NECTIN1: variants seen among roughly 807,000 people sequenced by gnomAD.
NECTIN1 encodes nectin cell adhesion molecule 1.
A neutral mutation model predicts 48.0 loss-of-function variants in NECTIN1; 23 were observed. The ratio of observed to expected loss-of-function variants is 0.48; its 90% CI spans 0.34 to 0.68. NECTIN1 has a LOEUF of 0.68. Ranked by LOEUF, NECTIN1 falls within the 30% of genes least tolerant of loss-of-function variation. The pLI, the probability that NECTIN1 is intolerant of heterozygous loss-of-function variation, is 0.01. For synonymous variants in NECTIN1, 270 were observed against 288.9 expected, an observed-to-expected ratio of 0.93 and a Z score of 0.66; for missense variants, 591 against 709.9, an observed-to-expected ratio of 0.83 and a Z score of 1.90.
At chr11:119,649,364 A>T (rs1223670550) in intron 5 of NECTIN1, among the ~76,000 whole-genome samples, 3 of 146,896 alleles carry the variant, frequency 2.0e-5, no homozygotes, top group African/African-American at 5.1e-5. Context: ...CTGACAACAG[A>T]GTGAGACTCC....
rs1864697188 is a variant in NECTIN1, at chr11:119,663,136, C to A, written c.*1611G>T. The A allele has an allele frequency of 1.0e-6, 1 of 985,436 alleles. No individual in the cohort carries two copies. Among genetic ancestry groups the A allele is most frequent in the South Asian group, 4.7e-5 (1 of 21,296 alleles). The allele number at this position is 985,436 out of a possible 1,614,324, so 61.0% of individuals were successfully genotyped here. A position where few individuals can be genotyped will look rare whatever the true frequency, so the allele number is the denominator to read the frequency against. ...CCCCAACACTTGCCATCCTGCAGAG[C>A]CCCTGACACCCTGGGGTGAGTTAAC... On this transcript the variant is annotated 3_prime_UTR_variant, in exon 6 of 6. Coordinates refer to ENST00000264025, the MANE Select transcript of NECTIN1 (RefSeq NM_002855.5).
In NECTIN1 at chr11:119,663,756, G is replaced by C. The variant is rs1442608042; in HGVS notation, c.*991C>G. 1.0e-6 allele frequency: 1 copy of C among 985,352 alleles called. No homozygotes were observed. The allele number at this position is 985,352 out of a possible 1,614,324, so 61.0% of individuals were successfully genotyped here. On this transcript the variant is annotated 3_prime_UTR_variant, in exon 6 of 6. Coordinates refer to ENST00000264025, the MANE Select transcript of NECTIN1 (RefSeq NM_002855.5). Reference sequence around the variant, plus strand: ...CTCCACGCTGTAAGAAGCAGTTTGGGGCAGGCCTGAGATCCTAGGGTGGAG... The same window carrying C: ...CTCCACGCTGTAAGAAGCAGTTTGGCGCAGGCCTGAGATCCTAGGGTGGAG...
In NECTIN1 at chr11:119,662,183, AT is replaced by A; in HGVS notation, c.*2563del. ...CAGAAGCTCAGCTCATGCTGTGGGCATGAAGGAGAAGCAAAATGTCCTCATC... is the reference window on the plus strand; with the variant it reads ...CAGAAGCTCAGCTCATGCTGTGGGCAGAAGGAGAAGCAAAATGTCCTCATC... On this transcript the variant is annotated 3_prime_UTR_variant, in exon 6 of 6. Transcript: ENST00000264025. The surrounding 1 kb of genome is among the most constrained non-coding windows in gnomAD (Gnocchi z 5.3). 2.0e-6 allele frequency: 2 copies of A among 985,458 alleles called. No homozygotes were observed. The highest frequency in any genetic ancestry group is 2.4e-6 in the Non-Finnish European group (2 of 829,938). The allele number at this position is 985,458 out of a possible 1,614,324, so 61.0% of individuals were successfully genotyped here.
intron 5 of NECTIN1, chr11:119,674,363 A>C (rs572667858): frequency 6.9e-7 from 1 of 1,445,426 alleles, no homozygotes; most frequent in Non-Finnish European, 9.1e-7. Context: ...TTCCATTAAT[A>C]ATAATGATGA....
At chr11:119,680,441 C>CTAAA in intron 1 of NECTIN1, among the ~76,000 whole-genome samples, 1 of 152,292 alleles carries the variant, frequency 6.6e-6, no homozygotes, top group Middle Eastern at 3.4e-3. Context: ...CCAAGGGAGT[C>CTAAA]TGGGATCCAA....
At chr11:119,720,335 T>G (rs982410724) in intron 1 of NECTIN1, among the ~76,000 whole-genome samples, 1 of 152,254 alleles carries the variant, frequency 6.6e-6, no homozygotes, top group African/African-American at 2.4e-5. Flanking sequence ...GCCCGGGGCA[T>G]GTACCCCAGA....
chr11:119,660,201 C>T (rs11217379), downstream of NECTIN1, among the ~76,000 whole-genome samples: 8,160 of 150,172 alleles, frequency 0.054, 751 homozygotes, highest in African/African-American at 0.19. Flanking sequence ...AAAGGAGATG[C>T]TACTGGGTGC....
chr11:119,682,606 C>T (rs1453912518), intron 1 of NECTIN1, among the ~76,000 whole-genome samples: 1 of 152,120 alleles, frequency 6.6e-6, no homozygotes, highest in African/African-American at 2.4e-5. Context: ...CAGTTTGCAC[C>T]AATGTTGCAC....
At chr11:119,642,860 A>G (rs1864346790) in intron 5 of NECTIN1, 1 of 153,718 alleles carries the variant, frequency 6.5e-6, no homozygotes. Flanking sequence ...AATAACAAGA[A>G]AAAGGTGTAC....
Position 119,728,908 on chromosome 11 carries a change from G to A in NECTIN1, c.-355C>T, listed in dbSNP as rs1164554213. 4.9e-6 allele frequency: 1 copy of A among 205,522 alleles called. No homozygotes were observed. Among genetic ancestry groups the A allele is most frequent in the African/African-American group, 2.3e-5 (1 of 43,322 alleles). The allele number at this position is 205,522 out of a possible 1,614,324, so 12.7% of individuals were successfully genotyped here. ...GGCGCGCCCGGCTGCCCGGTTGCGC[G>A]GCGCGGGCTCCTGGCCCCGGCCCGC... On this transcript the variant is annotated 5_prime_UTR_variant, in exon 1 of 6. Coordinates refer to ENST00000264025, the MANE Select transcript of NECTIN1 (RefSeq NM_002855.5).
At position 119,647,172 on chromosome 11, in the gene NECTIN1, T is replaced by C. The variant is rs1366177787; in HGVS notation, c.1004-7160A>G. 1.2e-4 allele frequency among the ~76,000 whole-genome samples: 8 copies of C among 64,018 alleles called. No homozygotes were observed. In the East Asian group the frequency reaches 3.3e-3, roughly 26 times the overall value. The allele number at this position is 64,018 out of a possible 152,430, so 42.0% of individuals were successfully genotyped here. ...AGAGCTTGCGGCGCATGTGTGTGTGTGTGTGTGTGTGTGTGTGTGTGTGTG... is the reference window on the plus strand; with the variant it reads ...AGAGCTTGCGGCGCATGTGTGTGTGCGTGTGTGTGTGTGTGTGTGTGTGTG... On this transcript the variant is annotated intron_variant, in intron 5 of 7. Transcript: ENST00000341398.
intron 1 of NECTIN1, chr11:119,712,798 C>T (rs952870880): frequency 1.3e-5 from 2 of 152,366 alleles, no homozygotes; most frequent in African/African-American, 4.8e-5. Context: ...AACTGCCAGT[C>T]CTGGAGTCTC....
At chr11:119,720,610 G>C (rs1865811687) in intron 1 of NECTIN1, among the ~76,000 whole-genome samples, 1 of 152,282 alleles carries the variant, frequency 6.6e-6, no homozygotes, top group Non-Finnish European at 1.5e-5. Flanking sequence ...GCATCGAGAA[G>C]GGACACGCTT....
At chr11:119,717,199 C>T (rs897607654) in intron 1 of NECTIN1, among the ~76,000 whole-genome samples, 1 of 152,232 alleles carries the variant, frequency 6.6e-6, no homozygotes, top group Admixed American at 6.5e-5. Context: ...TCAGGACTGG[C>T]CACGAGGCCC....
rs1162428045 is a variant in NECTIN1 at position 119,673,153 on chromosome 11, G to C, written c.1003+2006C>G. 6.6e-6 allele frequency among the ~76,000 whole-genome samples: 1 copy of C among 152,250 alleles called. No individual in the cohort carries two copies. The highest frequency in any genetic ancestry group is 1.5e-5 in the Non-Finnish European group (1 of 68,048). On this transcript the variant is annotated intron_variant, in intron 5 of 5. Transcript: ENST00000264025. The surrounding 1 kb of genome is among the most constrained non-coding windows in gnomAD (Gnocchi z 5.8). ...CTCCCCAGAGAATGTGGCAGGCACGGGCCGACGTGGAATGGAGGGTGGTGA... is the reference window on the plus strand; with the variant it reads ...CTCCCCAGAGAATGTGGCAGGCACGCGCCGACGTGGAATGGAGGGTGGTGA...
chr11:119,645,333 C>G (rs1206604069), intron 5 of NECTIN1, among the ~76,000 whole-genome samples: 3 of 152,130 alleles, frequency 2.0e-5, no homozygotes, highest in Non-Finnish European at 2.9e-5. Context: ...CTCCTGTGTT[C>G]GGAAGGTCTG....
chr11:119,688,059 G>A (rs1565392522), intron 1 of NECTIN1, among the ~76,000 whole-genome samples: 1 of 152,128 alleles, frequency 6.6e-6, no homozygotes, highest in South Asian at 2.1e-4. Context: ...ATCTATGAGC[G>A]CTGACTTTGA....
At chr11:119,700,203 TA>T (rs1388452860) in intron 1 of NECTIN1, among the ~76,000 whole-genome samples, 2 of 152,110 alleles carry the variant, frequency 1.3e-5, no homozygotes, top group Admixed American at 1.3e-4. Flanking sequence ...TGGTGTGACC[TA>T]GCACTGGATG....
At chr11:119,647,989 G>A (rs911533509) in intron 5 of NECTIN1, among the ~76,000 whole-genome samples, 27 of 148,192 alleles carry the variant, frequency 1.8e-4, no homozygotes, top group East Asian at 2.0e-4. Flanking sequence ...ACTTGAACCT[G>A]GGAGGCGGAG....
Sources: gnomAD v4.1 joint callset for allele counts (sites outside exome capture counted in the v4.1 genomes callset) on GRCh38, gnomAD v4.1.1 for gene constraint, Gnocchi (gnomAD v3.1) non-coding constraint, MANE v1.5 for transcripts, NCBI Gene and HGNC (gene_info 2026-07-23, HGNC 2026-07-21) for gene names.